PI4KA: variants seen among roughly 807,000 people sequenced by gnomAD.
PI4KA encodes PI4-kinase alpha.
A neutral mutation model predicts 271.4 loss-of-function variants in PI4KA; 122 were observed. That is an observed-to-expected ratio of 0.45 (90% CI 0.39 to 0.52). The LOEUF (loss-of-function observed/expected upper bound fraction) is 0.52. Ranked by LOEUF, PI4KA falls within the 20% of genes least tolerant of loss-of-function variation. The pLI, the probability that PI4KA is intolerant of heterozygous loss-of-function variation, is 0.00. For synonymous variants in PI4KA, 1,041 were observed against 1,078.8 expected (o/e 0.96, Z 0.69); for missense variants, 1,969 against 2,769.1 (o/e 0.71, Z 6.48).
intron 14 of PI4KA, among the ~76,000 whole-genome samples, chr22:20,801,485 T>C (rs1935326360): frequency 6.6e-6 from 1 of 151,686 alleles, no homozygotes; most frequent in South Asian, 2.1e-4. Flanking sequence ...CCTGGGAGGC[T>C]GAGGCAGGAG....
intron 42 of PI4KA, among the ~76,000 whole-genome samples, chr22:20,724,038 C>T (rs1927057820): frequency 1.3e-5 from 2 of 151,742 alleles, no homozygotes; most frequent in South Asian, 2.1e-4. Flanking sequence ...CGGGGTTTCA[C>T]TCTGTTAGCC....
At chr22:20,761,763 T>G (rs1430056623) in intron 22 of PI4KA, among the ~76,000 whole-genome samples, 1 of 151,826 alleles carries the variant, frequency 6.6e-6, no homozygotes, top group African/African-American at 2.4e-5. Context: ...GCTCTCTATG[T>G]GAGCTGTTAC....
At chr22:20,829,245 T>C (rs1055481422) in intron 3 of PI4KA, among the ~76,000 whole-genome samples, 3 of 152,184 alleles carry the variant, frequency 2.0e-5, no homozygotes, top group Non-Finnish European at 4.4e-5. Flanking sequence ...AGCTCTTCTT[T>C]ATGCATCTGG....
At chr22:20,716,312 A>G (rs1324800735) in intron 45 of PI4KA, among the ~76,000 whole-genome samples, 1 of 152,178 alleles carries the variant, frequency 6.6e-6, no homozygotes, top group Non-Finnish European at 1.5e-5. Flanking sequence ...TTGGCCTCCC[A>G]AAGTGCTGGG....
At position 20,838,012 on chromosome 22, in the gene PI4KA, T is replaced by C. The variant is rs542715116; in HGVS notation, c.273+603A>G. On this transcript the variant is annotated intron_variant, in intron 2 of 54. Transcript: ENST00000255882. ...GGCTGGTGCCTGTAATCCCAGCTAC[T>C]CAGGAGGCTGAGGCAGGAGAATCAC... Among the ~76,000 whole-genome samples, 347 of 151,744 alleles carry C rather than the reference T, an allele frequency of 2.3e-3. 1 individual carries two copies. The highest frequency in any genetic ancestry group is 8.1e-3 in the African/African-American group (333 of 41,334).
At chr22:20,839,681 G>A (rs1000837385) in intron 1 of PI4KA, among the ~76,000 whole-genome samples, 3 of 152,004 alleles carry the variant, frequency 2.0e-5, no homozygotes, top group African/African-American at 7.2e-5. Context: ...AATACAAAAT[G>A]TAGCCAGGCA....
rs201834008 is a variant in PI4KA at position 20,786,173 on chromosome 22, G to A, written c.2328+7020C>T. On this transcript the variant is annotated intron_variant, in intron 19 of 54. Coordinates refer to ENST00000255882, the MANE Select transcript of PI4KA (RefSeq NM_058004.4). ...GGTAACCACTCCCTTGTCCACCCCC[G>A]ACCCGTCCCCAGGGTCTGCCTCAGC... The A allele has an allele frequency of 2.9e-4, 475 of 1,613,066 alleles. 1 individual carries two copies. Among genetic ancestry groups the A allele is most frequent in the East Asian group, 3.6e-4 (16 of 44,862 alleles).
At chr22:20,810,885 C>T in intron 9 of PI4KA, 82 bp downstream of exon 9, 4 of 1,031,154 alleles carry the variant, frequency 3.9e-6, no homozygotes, top group Non-Finnish European at 6.1e-6. Context: ...TCCACTCCAG[C>T]CCCCGCTCAA....
intron 19 of PI4KA, among the ~76,000 whole-genome samples, chr22:20,767,171 A>T (rs1202676758): frequency 6.6e-6 from 1 of 152,190 alleles, no homozygotes; most frequent in Non-Finnish European, 1.5e-5. Context: ...GGCCGGGCAC[A>T]GTGGCTCTTG....
intron 43 of PI4KA, among the ~76,000 whole-genome samples, chr22:20,719,034 G>C (rs1057034085): frequency 6.6e-6 from 1 of 152,210 alleles, no homozygotes; most frequent in Non-Finnish European, 1.5e-5. Flanking sequence ...GGAGCTCAAG[G>C]CAGGGGCCAA....
At chr22:20,801,709 C>A (rs946221702) in intron 14 of PI4KA, among the ~76,000 whole-genome samples, 1 of 151,620 alleles carries the variant, frequency 6.6e-6, no homozygotes, top group Non-Finnish European at 1.5e-5. Context: ...CGTGGTGCAA[C>A]CCCATCTCTA....
In PI4KA at chr22:20,811,041, G is replaced by GA. The variant is rs1162171210; in HGVS notation, c.1006-10dup. Reference sequence around the variant, plus strand: ...TCAACGATCTTCTTCACCTACCAAGGAAACAGAACCTCATGAAGCAACTGA... The same window carrying GA: ...TCAACGATCTTCTTCACCTACCAAGGAAAACAGAACCTCATGAAGCAACTGA... On this transcript the variant is annotated splice_polypyrimidine_tract_variant and intron_variant, in intron 8 of 54. Transcript: ENST00000255882. The GA allele has an allele frequency of 1.7e-5, 28 of 1,608,458 alleles. No homozygotes were observed. Among genetic ancestry groups the GA allele is most frequent in the Non-Finnish European group, 2.3e-5 (27 of 1,175,014 alleles).
intron 43 of PI4KA, among the ~76,000 whole-genome samples, chr22:20,719,812 G>A (rs1273470279): frequency 1.3e-5 from 2 of 151,982 alleles, no homozygotes; most frequent in African/African-American, 4.8e-5. Flanking sequence ...GGACCACAAG[G>A]TCAGGAAATT....
chr22:20,741,331 C>T (rs1009639546), intron 32 of PI4KA, among the ~76,000 whole-genome samples: 15 of 152,166 alleles, frequency 9.9e-5, no homozygotes, highest in African/African-American at 3.4e-4. Context: ...TGAGGAGCCC[C>T]GCCCAGGAAT....
Position 20,819,869 on chromosome 22 carries a change from C to T in PI4KA, c.561G>A (p.Leu187=). Reference sequence around the variant, plus strand: ...GCCCAAATGCTCGCGAGATTCCTATCAGGCATGGGATAGCATACTTGCAAA... The same window carrying T: ...GCCCAAATGCTCGCGAGATTCCTATTAGGCATGGGATAGCATACTTGCAAA... The part of the protein sequence containing the change: ...EYLCKYAIPC[L]IGISRAFGRY... The change falls in exon 6 of 55, where the codon CTG becomes CTA. Residue 187 remains leucine, a synonymous_variant. Coordinates refer to ENST00000255882, the MANE Select transcript of PI4KA (RefSeq NM_058004.4). The T allele has an allele frequency of 1.2e-6, 2 of 1,613,984 alleles. No individual in the cohort carries two copies. The highest frequency in any genetic ancestry group is 1.7e-6 in the Non-Finnish European group (2 of 1,179,818).
chr22:20,838,560 C>G (rs546049631), intron 2 of PI4KA, 55 bp downstream of exon 2: 5 of 963,442 alleles, frequency 5.2e-6, no homozygotes, highest in Non-Finnish European at 8.4e-6. Context: ...CAAACTTAAA[C>G]GCTCACTACA....
At position 20,742,599 on chromosome 22, in the gene PI4KA, G is replaced by C. The variant is rs1397169463; in HGVS notation, c.3613+9C>G. ...GAGCCCAGAATTCCACAGTGCTTCA[G>C]TGAGTTACCTTTACTGCTAATGAGC... On this transcript the variant is annotated intron_variant, in intron 31 of 54. Transcript: ENST00000255882. 3.1e-6 allele frequency: 5 copies of C among 1,613,944 alleles called. No homozygotes were observed. The highest frequency in any genetic ancestry group is 1.7e-5 in the Admixed American group (1 of 59,926).
At position 20,858,589 on chromosome 22, in the gene PI4KA, C is replaced by T; in HGVS notation, c.137G>A (p.Arg46Lys). ...CGTTACCTTCTCCAAGGATGCTGGT[C>T]TCTGCACCGCCAGGGAGCGGGCCAG... is the stretch of plus-strand genomic sequence containing the variant. ...LSLARSLAVQ[R>K]PASLEKVQKL... Residue 46 changes from arginine (R) to lysine (K), a missense_variant, in exon 1 of 55, where the codon AGA (arginine) becomes AAA (lysine). Physicochemically the swap from Arg to Lys is conservative, Grantham distance 26 (BLOSUM62 2). This residue lies in a region of PI4KA where 540 missense variants were observed against 555.5 expected (regional missense o/e 0.97). Transcript: ENST00000255882. 6.8e-7 allele frequency: 1 copy of T among 1,463,602 alleles called. No individual in the cohort carries two copies. Among genetic ancestry groups the T allele is most frequent in the South Asian group, 1.3e-5 (1 of 76,216 alleles). 90.7% of individuals were successfully genotyped at this position (1,463,602 alleles called of 1,614,324 possible).
chr22:20,849,115 G>A (rs983182179), intron 1 of PI4KA, among the ~76,000 whole-genome samples: 53 of 152,268 alleles, frequency 3.5e-4, no homozygotes, highest in African/African-American at 1.2e-3. Flanking sequence ...TAACCATCAG[G>A]CAAATGCATA....
Sources: allele counts gnomAD v4.1 joint callset (sites outside exome capture counted in the v4.1 genomes callset), GRCh38; gene constraint gnomAD v4.1.1; regional missense constraint gnomAD v4.1.1; transcripts MANE v1.5; gene names NCBI Gene and HGNC (gene_info 2026-07-23, HGNC 2026-07-21).